The following OPA3 variants were observed in gnomAD, a reference collection of about 807,000 sequenced individuals.
OPA3 encodes optic atrophy 3 protein.
Under a neutral mutation model 4.0 loss-of-function variants are expected in OPA3, and 6 were observed. The ratio of observed to expected loss-of-function variants is 1.51; its 90% CI spans 0.83 to 2.99. The LOEUF (loss-of-function observed/expected upper bound fraction) is 2.99. Ranked by LOEUF, OPA3 falls within the 30% of genes most tolerant of loss-of-function variation. OPA3 has a pLI of 0.00. For synonymous variants in OPA3, 105 were observed against 117.1 expected, an observed-to-expected ratio of 0.90 and a Z score of 0.67; for missense variants, 235 against 256.2, an observed-to-expected ratio of 0.92 and a Z score of 0.56.
chr19:45,552,062 G>T lies in OPA3; in HGVS notation c.*1452C>A, dbSNP rs149045583. 2 of 985,498 alleles carry T rather than the reference G, an allele frequency of 2.0e-6. No individual in the cohort carries two copies. Among genetic ancestry groups the T allele is most frequent in the Non-Finnish European group, 2.4e-6 (2 of 830,034 alleles). The allele number at this position is 985,498 out of a possible 1,614,324, so 61.0% of individuals were successfully genotyped here. A position where few individuals can be genotyped will look rare whatever the true frequency, so the allele number is the denominator to read the frequency against. ...CAAATTTCCCACCACGGAAAGGGGG[G>T]TTGGAGGACATTCACAGAAAAGATC... On this transcript the variant is annotated 3_prime_UTR_variant, in exon 2 of 2. Transcript: ENST00000263275.
intron 1 of OPA3, among the ~76,000 whole-genome samples, chr19:45,561,879 T>C (rs1264227): frequency 0.71 from 107,186 of 151,680 alleles, 38,329 homozygotes; most frequent in East Asian, 0.87. Context: ...AGGCAGAGGC[T>C]GCAGTGAGCC....
intron 1 of OPA3, among the ~76,000 whole-genome samples, chr19:45,576,999 G>A (rs1483775332): frequency 6.6e-6 from 1 of 152,182 alleles, no homozygotes; most frequent in Non-Finnish European, 1.5e-5. Context: ...AATAAACACA[G>A]ATGAGCTGGA....
Position 45,572,757 on chromosome 19 carries a change from C to CGA in OPA3, c.142+11864_142+11865dup. Among the ~76,000 whole-genome samples the CGA allele has an allele frequency of 1.6e-5, 2 of 121,400 alleles. 1 individual carries two copies. Among genetic ancestry groups the CGA allele is most frequent in the Admixed American group, 1.8e-4 (2 of 11,214 alleles). 79.6% of individuals were successfully genotyped at this position (121,400 alleles called of 152,430 possible). On this transcript the variant is annotated intron_variant, in intron 1 of 1. Transcript: ENST00000263275. ...ATACTATATATATAGATATATATCT[C>CGA]GATATATATCTATATATATCATACT... is the stretch of plus-strand genomic sequence containing the variant.
chr19:45,580,670 G>A (rs181667120), intron 1 of OPA3, among the ~76,000 whole-genome samples: 2 of 149,988 alleles, frequency 1.3e-5, no homozygotes, highest in East Asian at 3.9e-4. Context: ...CCAAGCTGGA[G>A]TGCAGTGGTG....
intron 1 of OPA3, among the ~76,000 whole-genome samples, chr19:45,555,058 G>A (rs1969400208): frequency 6.6e-6 from 1 of 152,142 alleles, no homozygotes. Context: ...TCAAACTGCT[G>A]GGATTACAGC....
intron 1 of OPA3, among the ~76,000 whole-genome samples, chr19:45,561,202 G>A (rs1270722135): frequency 1.3e-5 from 2 of 152,060 alleles, no homozygotes; most frequent in Non-Finnish European, 2.9e-5. Flanking sequence ...GCATGGTGGC[G>A]CATGCCTGTA....
intron 1 of OPA3, among the ~76,000 whole-genome samples, chr19:45,563,060 G>A (rs16979890): frequency 0.14 from 21,107 of 152,198 alleles, 1,697 homozygotes; most frequent in East Asian, 0.24. Flanking sequence ...ACACCCTGGA[G>A]TCAGTCATTC....
intron 1 of OPA3, 97 bp downstream of exon 1, chr19:45,584,526 C>A (rs1208524722): frequency 1.2e-6 from 2 of 1,600,544 alleles, no homozygotes; most frequent in Non-Finnish European, 1.7e-6. Flanking sequence ...CCGGTTCGGG[C>A]TGTGATTGGT....
chr19:45,549,138 T>C lies in OPA3; in HGVS notation c.*4376A>G, dbSNP rs1443423612. 2.6e-5 allele frequency: 26 copies of C among 985,162 alleles called. No homozygotes were observed. Among genetic ancestry groups the C allele is most frequent in the Non-Finnish European group, 2.9e-5 (24 of 829,928 alleles). The allele number at this position is 985,162 out of a possible 1,614,324, so 61.0% of individuals were successfully genotyped here. A position where few individuals can be genotyped will look rare whatever the true frequency, so the allele number is the denominator to read the frequency against. On this transcript the variant is annotated 3_prime_UTR_variant, in exon 2 of 2. Coordinates refer to ENST00000263275, the MANE Select transcript of OPA3 (RefSeq NM_025136.4). ...TTTTTAAATATGAAAAAAGAATGCATCAACTTGAAGATAATCAGCTTCATT... is the reference window on the plus strand; with the variant it reads ...TTTTTAAATATGAAAAAAGAATGCACCAACTTGAAGATAATCAGCTTCATT...
At chr19:45,561,020 C>T (rs1969493690) in intron 1 of OPA3, among the ~76,000 whole-genome samples, 2 of 152,060 alleles carry the variant, frequency 1.3e-5, no homozygotes, top group South Asian at 2.1e-4. Flanking sequence ...GGTGGGGGAC[C>T]GGGGCTCGGG....
At chr19:45,530,950 T>C (rs1479310642) in intron 1 of OPA3, among the ~76,000 whole-genome samples, 14 of 131,248 alleles carry the variant, frequency 1.1e-4, no homozygotes, top group Admixed American at 6.2e-4. Context: ...TTTTTTTTTT[T>C]TTTTTTTTTT....
At chr19:45,556,647 T>C (rs538769502) in intron 1 of OPA3, among the ~76,000 whole-genome samples, 1 of 152,292 alleles carries the variant, frequency 6.6e-6, no homozygotes, top group East Asian at 1.9e-4. Context: ...AGACAGCCAC[T>C]GAGCCCAGCC....
At chr19:45,556,679 A>C (rs1568403415) in intron 1 of OPA3, among the ~76,000 whole-genome samples, 1 of 152,084 alleles carries the variant, frequency 6.6e-6, no homozygotes, top group Non-Finnish European at 1.5e-5. Context: ...TTCATCTTCA[A>C]AGGGGTGGGG....
At chr19:45,570,214 G>A (rs8112209) in intron 1 of OPA3, among the ~76,000 whole-genome samples, 35,303 of 152,130 alleles carry the variant, frequency 0.23, 4,994 homozygotes, top group Middle Eastern at 0.37. Flanking sequence ...TTCAGAAATC[G>A]GCCAGAAGAT....
chr19:45,558,889 G>C (rs1316813119), intron 1 of OPA3, among the ~76,000 whole-genome samples: 2 of 150,860 alleles, frequency 1.3e-5, no homozygotes, highest in East Asian at 3.9e-4. Flanking sequence ...AGACTTTGGT[G>C]CTTTTTTTTT....
At chr19:45,572,362 G>A (rs532370379) in intron 1 of OPA3, among the ~76,000 whole-genome samples, 1 of 124,616 alleles carries the variant, frequency 8.0e-6, no homozygotes, top group East Asian at 2.4e-4. Context: ...ACATATATGA[G>A]ATATATATCG....
intron 1 of OPA3, chr19:45,584,368 T>A (rs1969900112): frequency 1.0e-6 from 1 of 985,272 alleles, no homozygotes; most frequent in Non-Finnish European, 1.2e-6. Context: ...GGCATCAGTC[T>A]CCAAGCGCTC....
chr19:45,540,056 T>C (rs955534641), intron 1 of OPA3, among the ~76,000 whole-genome samples: 2 of 152,062 alleles, frequency 1.3e-5, no homozygotes, highest in African/African-American at 4.8e-5. Flanking sequence ...CAGTGGCTCA[T>C]GCCTGTAATC....
chr19:45,571,709 G>A (rs530759693), intron 1 of OPA3, among the ~76,000 whole-genome samples: 9 of 152,110 alleles, frequency 5.9e-5, no homozygotes, highest in East Asian at 5.8e-4. Context: ...CCTTCCCTAC[G>A]TCCACCAAAT....
Sources: allele counts gnomAD v4.1 joint callset (sites outside exome capture counted in the v4.1 genomes callset), GRCh38; gene constraint gnomAD v4.1.1; transcripts MANE v1.5; gene names NCBI Gene and HGNC (gene_info 2026-07-23, HGNC 2026-07-21).